Variants in UPF3B observed in about 807,000 individuals in gnomAD.
The protein encoded by UPF3B is regulator of nonsense transcripts 3B.
Under a neutral mutation model 40.3 loss-of-function variants are expected in UPF3B, and 7 were observed. The ratio of observed to expected loss-of-function variants is 0.17; its 90% confidence interval spans 0.10 to 0.33. UPF3B has a LOEUF of 0.33. UPF3B is among the 10% of genes least tolerant of loss of function. The pLI is 1.00. For synonymous variants in UPF3B, 117 were observed against 117.3 expected, an observed-to-expected ratio of 1.00 and a Z score of 0.01; for missense variants, 229 against 358.9, an observed-to-expected ratio of 0.64 and a Z score of 2.93.
intron 3 of UPF3B, among the ~76,000 whole-genome samples, chrX:119,827,317 G>A (rs895383007): frequency 2.4e-4 from 27 of 111,326 alleles, no homozygotes; most frequent in African/African-American, 7.5e-4. Flanking sequence ...TAGGTGCTGC[G>A]AGCAAGAGAC....
intron 6 of UPF3B, among the ~76,000 whole-genome samples, chrX:119,806,867 A>G (rs1013504197): frequency 9.3e-6 from 1 of 107,675 alleles, no homozygotes; most frequent in Middle Eastern, 4.7e-3. Flanking sequence ...CATGTCTACT[A>G]AAAATACAAA....
intron 3 of UPF3B, among the ~76,000 whole-genome samples, chrX:119,828,236 G>A (rs1354326925): frequency 9.3e-6 from 1 of 108,098 alleles, no homozygotes; most frequent in African/African-American, 3.4e-5. Context: ...AATTTTTTTT[G>A]TATTGTTTAG....
At position 119,834,570 on chromosome X, in the gene UPF3B, G is replaced by A; in HGVS notation, c.*308C>T. ...GAACCAGCTCTTACTTTTCTCTCGT[G>A]TCATATGTGATGAAGTCCTCACTTG... On this transcript the variant is annotated 3_prime_UTR_variant, in exon 11 of 11. Transcript: ENST00000276201. 2 of 966,214 alleles carry A rather than the reference G, an allele frequency of 2.1e-6. No homozygotes were observed. Among genetic ancestry groups the A allele is most frequent in the South Asian group, 6.0e-5 (2 of 33,122 alleles). The allele number at this position is 966,214 out of a possible 1,213,427, so 79.6% of individuals were successfully genotyped here.
intron 5 of UPF3B, 34 bp from the exon 6 acceptor site, chrX:119,841,812 TA>T (rs1569462343): frequency 8.8e-7 from 1 of 1,137,475 alleles, no homozygotes; most frequent in South Asian, 1.8e-5. Context: ...TAATCATACT[TA>T]TCAACCCCTA....
chrX:119,822,984 G>A, exon 4 of UPF3B: 1 of 901,119 alleles, frequency 1.1e-6, no homozygotes, highest in South Asian at 3.0e-5. Flanking sequence ...TGTCATCAGG[G>A]TGCCAGAGTC....
intron 10 of UPF3B, 31 bp from the exon 11 acceptor site, chrX:119,835,058 A>AGAAGACGGTG: frequency 1.7e-6 from 2 of 1,201,975 alleles, no homozygotes; most frequent in Non-Finnish European, 2.3e-6. Context: ...TTACCATTAC[A>AGAAGACGGTG]ACAATGCTAC....
downstream of UPF3B, among the ~76,000 whole-genome samples, chrX:119,829,091 G>A (rs910558490): frequency 2.7e-5 from 3 of 111,098 alleles, no homozygotes; most frequent in Non-Finnish European, 1.9e-5. Flanking sequence ...GCACAATCTC[G>A]GCTTACTGCA....
At chrX:119,817,304 G>A (rs2055873856) in intron 4 of UPF3B, among the ~76,000 whole-genome samples, 1 of 111,935 alleles carries the variant, frequency 8.9e-6, no homozygotes, top group Non-Finnish European at 1.9e-5. Context: ...ACATGGCTGG[G>A]GGAGCCTCAG....
Position 119,838,092 on chromosome X carries a change from T to C in UPF3B, c.1008-41A>G, listed in dbSNP as rs1569461763. 3 of 1,199,942 alleles carry C rather than the reference T, an allele frequency of 2.5e-6. No homozygotes were observed. The highest frequency in any genetic ancestry group is 3.5e-5 in the African/African-American group (2 of 57,639). On this transcript the variant is annotated intron_variant, in intron 9 of 10. Coordinates refer to ENST00000276201, the MANE Select transcript of UPF3B (RefSeq NM_080632.3). ...ATCTGAGACAGAACCCTGAAAGATCTTGTAATCACAAATGCAGGAACACTG... is the reference window on the plus strand; with the variant it reads ...ATCTGAGACAGAACCCTGAAAGATCCTGTAATCACAAATGCAGGAACACTG...
chrX:119,823,129 A>G lies in UPF3B; in HGVS notation c.393-86T>C, dbSNP rs182058980. 205 of 427,942 alleles carry G rather than the reference A, an allele frequency of 4.8e-4. 1 individual carries two copies. Among genetic ancestry groups the G allele is most frequent in the Non-Finnish European group, 3.9e-4 (133 of 341,459 alleles). 35.3% of individuals were successfully genotyped at this position (427,942 alleles called of 1,213,427 possible). On this transcript the variant is annotated intron_variant, in intron 3 of 6. Coordinates refer to the UPF3B transcript ENST00000636792. ...TTTAGGTTATACCTTATATATTAAT[A>G]TATACTAAAGCCCAGTCATTTAAGA...
chrX:119,811,538 C>T (rs1394584719), intron 5 of UPF3B, among the ~76,000 whole-genome samples: 1 of 107,917 alleles, frequency 9.3e-6, no homozygotes, highest in Non-Finnish European at 1.9e-5. Flanking sequence ...TCCAGCTACT[C>T]GGGAGGCTGA....
chrX:119,834,381 T>G lies in UPF3B; in HGVS notation c.*497A>C. The G allele has an allele frequency of 1.3e-6, 1 of 770,627 alleles. No homozygotes were observed. The highest frequency in any genetic ancestry group is 1.5e-6 in the Non-Finnish European group (1 of 648,995). The allele number at this position is 770,627 out of a possible 1,213,427, so 63.5% of individuals were successfully genotyped here. On this transcript the variant is annotated 3_prime_UTR_variant, in exon 11 of 11. Coordinates refer to ENST00000276201, the MANE Select transcript of UPF3B (RefSeq NM_080632.3). The stretch of plus-strand genomic sequence containing the variant: ...AACGAAAGTGTGTTCTATCCTTCAC[T>G]GTACCTGTACTACAAGGACATGCTT...
chrX:119,815,945 C>G (rs1232088885), intron 4 of UPF3B, among the ~76,000 whole-genome samples: 1 of 111,234 alleles, frequency 9.0e-6, no homozygotes, highest in Admixed American at 9.7e-5. Context: ...CCAAGCCCGG[C>G]TAATTTTTGT....
intron 5 of UPF3B, among the ~76,000 whole-genome samples, chrX:119,814,288 T>A (rs1471835748): frequency 1.8e-5 from 2 of 111,969 alleles, no homozygotes; most frequent in African/African-American, 3.2e-5. Flanking sequence ...GACTACATTT[T>A]ACCTCTTAAT....
At chrX:119,847,403 C>T (rs934445762) in intron 3 of UPF3B, among the ~76,000 whole-genome samples, 11 of 107,214 alleles carry the variant, frequency 1.0e-4, no homozygotes, top group East Asian at 8.9e-4. Flanking sequence ...GGGAAGATCG[C>T]GCCATTGTAC....
intron 1 of UPF3B, among the ~76,000 whole-genome samples, chrX:119,852,476 C>T (rs751949312): frequency 8.9e-6 from 1 of 112,012 alleles, no homozygotes; most frequent in Non-Finnish European, 1.9e-5. Context: ...CCCAATTACA[C>T]CTTTAGTTCC....
At chrX:119,828,670 TAA>T (rs1225152101) in intron 3 of UPF3B, among the ~76,000 whole-genome samples, 28 of 93,209 alleles carry the variant, frequency 3.0e-4, no homozygotes, top group South Asian at 4.9e-4. Context: ...AGTCTTTACT[TAA>T]AAAAAAAAAA....
At chrX:119,843,394 T>C (rs2056190603) in intron 4 of UPF3B, 93 bp from the exon 5 acceptor site, 2 of 659,295 alleles carry the variant, frequency 3.0e-6, no homozygotes, top group East Asian at 6.7e-5. Flanking sequence ...AAGAAGATAA[T>C]TTTTTACTTC....
chrX:119,850,707 C>T (rs1265234592), intron 3 of UPF3B, among the ~76,000 whole-genome samples: 1 of 111,912 alleles, frequency 8.9e-6, no homozygotes, highest in Non-Finnish European at 1.9e-5. Flanking sequence ...ATAGACTGGA[C>T]CTTTCTGGAT....
Sources: gnomAD v4.1 joint callset for allele counts (sites outside exome capture counted in the v4.1 genomes callset) on GRCh38, gnomAD v4.1.1 for gene constraint, MANE v1.5 for transcripts, NCBI Gene and HGNC (gene_info 2026-07-23, HGNC 2026-07-21) for gene names.